The following CSMD2 variants were observed in gnomAD, a reference collection of about 807,000 sequenced individuals.
CSMD2 encodes CUB and Sushi multiple domains 2.
A neutral mutation model predicts 398.5 loss-of-function variants in CSMD2; 130 were observed. The observed-to-expected ratio is 0.33, with a 90% CI of 0.28 to 0.38. The LOEUF (loss-of-function observed/expected upper bound fraction) is 0.38, where lower values mean the gene tolerates loss of function less well. Among genes scored for constraint, CSMD2 ranks in the 10% least tolerant of loss-of-function variants. CSMD2 has a pLI of 1.00. For missense variants in CSMD2, 3,829 were observed against 4,764.9 expected, an observed-to-expected ratio of 0.80 and a Z score of 5.78; for synonymous variants, 1,828 against 1,908.5, an observed-to-expected ratio of 0.96 and a Z score of 1.10.
At position 33,577,379 on chromosome 1, in the gene CSMD2, C is replaced by A. The variant is rs775395186; in HGVS notation, c.7493G>T (p.Arg2498Leu). Residue 2498 changes from arginine to leucine, a missense_variant, in exon 49 of 71, where the codon CGC (arginine) becomes CTC (leucine). This residue lies in a region of CSMD2 where 723 missense variants were observed against 758.6 expected (regional missense o/e 0.95). Coordinates refer to ENST00000373381, the MANE Select transcript of CSMD2 (RefSeq NM_001281956.2). The stretch of plus-strand genomic sequence containing the variant: ...GATGGCCATGCTGTGTCCCACCAGG[C>A]GGTAGCCGGCGTTGCAGCCAAAGTG... ...SIHFGCNAGY[R>L]LVGHSMAICT... is the part of the protein sequence containing the mutation. 4 of 1,614,126 alleles carry A rather than the reference C, an allele frequency of 2.5e-6. No individual in the cohort carries two copies. The highest frequency in any genetic ancestry group is 1.7e-5 in the Admixed American group (1 of 60,010).
intron 3 of CSMD2, among the ~76,000 whole-genome samples, chr1:33,978,570 T>G (rs1032854769): frequency 2.0e-5 from 3 of 152,020 alleles, no homozygotes; most frequent in Non-Finnish European, 4.4e-5. Flanking sequence ...GAGGTCTAAG[T>G]TTGACACCTG....
At chr1:33,693,193 A>G in intron 24 of CSMD2, 137 bp from the exon 25 acceptor site, 3 of 1,013,392 alleles carry the variant, frequency 3.0e-6, no homozygotes, top group Non-Finnish European at 4.1e-6. Flanking sequence ...ACAGCATATT[A>G]AAAGGTCTCT....
chr1:33,556,088 G>T (rs1347457563), intron 55 of CSMD2, among the ~76,000 whole-genome samples: 1 of 152,150 alleles, frequency 6.6e-6, no homozygotes, highest in African/African-American at 2.4e-5. Context: ...TAGAAGAGGA[G>T]CCTGAATATG....
intron 3 of CSMD2, among the ~76,000 whole-genome samples, chr1:34,028,278 T>C (rs1649945563): frequency 6.6e-6 from 1 of 152,250 alleles, no homozygotes; most frequent in Admixed American, 6.5e-5. Flanking sequence ...ATCGTGCCAC[T>C]GGACTGAAGC....
intron 1 of CSMD2, among the ~76,000 whole-genome samples, chr1:34,159,973 A>G (rs1641181176): frequency 6.6e-6 from 1 of 152,160 alleles, no homozygotes; most frequent in Admixed American, 6.5e-5. Flanking sequence ...CAGCAGGGAG[A>G]CTGAGCCCTA....
At chr1:33,696,965 C>T (rs1323785969) in intron 24 of CSMD2, among the ~76,000 whole-genome samples, 1 of 152,118 alleles carries the variant, frequency 6.6e-6, no homozygotes, top group African/African-American at 2.4e-5. Context: ...ATGACATATA[C>T]AAAAATATGC....
chr1:33,846,912 C>T lies in CSMD2; in HGVS notation c.1005G>A (p.Arg335=), dbSNP rs755904486. ...GGTATTGGGCACTGAATCCGCGCTG[C>T]CGGTGGTTGCCATCCGATGTGAAGT... is the stretch of plus-strand genomic sequence containing the variant. ...RLHFTSDGNH[R]QRGFSAQYQV... Residue 335 remains arginine, a synonymous_variant, in exon 6 of 71, where the codon CGG becomes CGA. Transcript: ENST00000373381. 1.2e-6 allele frequency: 2 copies of T among 1,609,106 alleles called. No individual in the cohort carries two copies. Among genetic ancestry groups the T allele is most frequent in the East Asian group, 2.3e-5 (1 of 44,352 alleles).
chr1:33,851,883 G>T (rs1361595377), intron 5 of CSMD2, among the ~76,000 whole-genome samples: 1 of 151,998 alleles, frequency 6.6e-6, no homozygotes, highest in Non-Finnish European at 1.5e-5. Flanking sequence ...TGAGTTGCTG[G>T]GCCTTATCTT....
Position 33,912,361 on chromosome 1 carries a change from A to G in CSMD2, c.920+5733T>C, listed in dbSNP as rs373484927. Among the ~76,000 whole-genome samples the G allele has an allele frequency of 5.9e-5, 9 of 152,256 alleles. No homozygotes were observed. In the East Asian group the frequency reaches 1.4e-3, roughly 23 times the overall value. On this transcript the variant is annotated intron_variant, in intron 5 of 70. Transcript: ENST00000373381. ...GGCAGAGGTTTGTTCCAGGATCTAC[A>G]CAGAAATCCCACGGGTGGAAAGGAG...
intron 5 of CSMD2, among the ~76,000 whole-genome samples, chr1:33,914,463 A>C (rs1643623908): frequency 6.6e-6 from 1 of 151,680 alleles, no homozygotes; most frequent in South Asian, 2.1e-4. Context: ...GTCAGGGTGT[A>C]ATACCAATTC....
rs148539060 is a variant in CSMD2 at position 33,536,862 on chromosome 1, T to C, written c.9879+160A>G. On this transcript the variant is annotated intron_variant, in intron 62 of 70. Coordinates refer to ENST00000373381, the MANE Select transcript of CSMD2 (RefSeq NM_001281956.2). ...CTGCTGTCTCTGCAGGGTGCTCCCA[T>C]GGAGCACTGTTCAAAGAGGCAGAGG... Among the ~76,000 whole-genome samples, 1,239 of 152,346 alleles carry C rather than the reference T, an allele frequency of 8.1e-3. 14 individuals are homozygous for C. The highest frequency in any genetic ancestry group is 0.014 in the Middle Eastern group (4 of 294).
intron 3 of CSMD2, among the ~76,000 whole-genome samples, chr1:33,986,015 T>G (rs537654857): frequency 3.9e-5 from 6 of 152,252 alleles, no homozygotes; most frequent in African/African-American, 1.4e-4. Flanking sequence ...TTAATAAGTC[T>G]GACTGCCCCA....
At chr1:33,598,353 G>A (rs1010769026) in intron 44 of CSMD2, among the ~76,000 whole-genome samples, 2 of 152,082 alleles carry the variant, frequency 1.3e-5, no homozygotes, top group Non-Finnish European at 2.9e-5. Context: ...TGAGCCTGCC[G>A]ATCTGGGCAC....
intron 1 of CSMD2, among the ~76,000 whole-genome samples, chr1:34,108,564 A>G (rs1336638681): frequency 6.6e-6 from 1 of 152,174 alleles, no homozygotes; most frequent in Non-Finnish European, 1.5e-5. Context: ...TTCTGCTCCT[A>G]AGCCAATGGG....
intron 1 of CSMD2, among the ~76,000 whole-genome samples, chr1:34,115,060 GAA>G (rs1019634445): frequency 6.6e-6 from 1 of 151,524 alleles, no homozygotes; most frequent in Admixed American, 6.6e-5. Context: ...GGAACAAATA[GAA>G]AAAAGAATGA....
At chr1:34,019,473 G>A (rs1648584474) in intron 3 of CSMD2, among the ~76,000 whole-genome samples, 1 of 152,186 alleles carries the variant, frequency 6.6e-6, no homozygotes, top group African/African-American at 2.4e-5. Context: ...CACGTAGAGG[G>A]CATTCCTTCT....
chr1:33,577,493 C>G lies in CSMD2; in HGVS notation c.7388-9G>C. The G allele has an allele frequency of 6.3e-7, 1 of 1,599,828 alleles. No homozygotes were observed. Among genetic ancestry groups the G allele is most frequent in the Non-Finnish European group, 8.5e-7 (1 of 1,169,698 alleles). On this transcript the variant is annotated splice_polypyrimidine_tract_variant and intron_variant, in intron 48 of 70. Coordinates refer to ENST00000373381, the MANE Select transcript of CSMD2 (RefSeq NM_001281956.2). ...CAGGCTGCAGTAAGGGGCTGAACAA[C>G]AAGATGAGGTTCAGGGAACTGGCAC... is the stretch of plus-strand genomic sequence containing the variant.
chr1:33,969,706 C>A (rs1352905517), intron 3 of CSMD2, among the ~76,000 whole-genome samples: 1 of 152,102 alleles, frequency 6.6e-6, no homozygotes. Flanking sequence ...AAAGCCTGTG[C>A]TCTTAGCCAC....
At chr1:33,728,110 G>C (rs1210367973) in intron 15 of CSMD2, among the ~76,000 whole-genome samples, 1 of 152,160 alleles carries the variant, frequency 6.6e-6, no homozygotes, top group East Asian at 1.9e-4. Context: ...TCAGACCTAG[G>C]CAAGACAGCG....
Sources: gnomAD v4.1 joint callset for allele counts (sites outside exome capture counted in the v4.1 genomes callset) on GRCh38, gnomAD v4.1.1 for gene constraint, gnomAD v4.1.1 regional missense constraint, MANE v1.5 for transcripts, NCBI Gene and HGNC (gene_info 2026-07-23, HGNC 2026-07-21) for gene names.